Variants in EP400 observed in about 807,000 individuals in gnomAD.
EP400 encodes E1A-binding protein p400.
Under a neutral mutation model 354.1 loss-of-function variants are expected in EP400, and 105 were observed. The ratio of observed to expected loss-of-function variants is 0.30; its 90% confidence interval spans 0.25 to 0.35. The LOEUF is 0.35. Ranked by LOEUF, EP400 falls within the 10% of genes least tolerant of loss-of-function variation. EP400 has a pLI of 1.00. For synonymous variants in EP400, 1,646 were observed against 1,716.9 expected (o/e 0.96, Z 1.02); for missense variants, 3,280 against 4,121.0 (o/e 0.80, Z 5.59).
At position 131,982,483 on chromosome 12, in the gene EP400, G is replaced by A; in HGVS notation, c.1929+5G>A. The A allele has an allele frequency of 6.3e-7, 1 of 1,588,914 alleles. No individual in the cohort carries two copies. Among genetic ancestry groups the A allele is most frequent in the Non-Finnish European group, 8.6e-7 (1 of 1,165,004 alleles). ...CAGCTTTCCTCCCTGCCACAGGTAT[G>A]AGAAAAGATAGAGGAAAAAAAGAAA... On this transcript the variant is annotated splice_donor_5th_base_variant and intron_variant, in intron 5 of 52. Transcript: ENST00000389561.
chr12:131,951,581 A>G (rs1175867160), intron 1 of EP400, among the ~76,000 whole-genome samples: 2 of 152,172 alleles, frequency 1.3e-5, no homozygotes, highest in African/African-American at 4.8e-5. Context: ...TATGTGCAAT[A>G]AAATAATTTC....
intron 45 of EP400, among the ~76,000 whole-genome samples, chr12:132,061,530 TGGG>T (rs1895694068): frequency 6.6e-6 from 1 of 152,100 alleles, no homozygotes; most frequent in East Asian, 1.9e-4. Context: ...CAGTTTATGG[TGGG>T]ACAAGGAAGG....
Position 131,994,219 on chromosome 12 carries a change from G to C in EP400, c.2738-648G>C, listed in dbSNP as rs1040472268. ...GAAATGAGGAAGAGTTTTGATGGTA[G>C]GAAGGGAGAGATGTTATGTTAGATT... is the stretch of plus-strand genomic sequence containing the variant. On this transcript the variant is annotated intron_variant, in intron 11 of 52. Transcript: ENST00000389561. The surrounding 1 kb of genome is among the most constrained non-coding windows in gnomAD (Gnocchi z 4.6). Among the ~76,000 whole-genome samples, 2 of 152,150 alleles carry C rather than the reference G, an allele frequency of 1.3e-5. No individual in the cohort carries two copies. The highest frequency in any genetic ancestry group is 2.9e-5 in the Non-Finnish European group (2 of 68,028).
intron 2 of EP400, among the ~76,000 whole-genome samples, chr12:131,967,163 T>C (rs7312953): frequency 0.32 from 47,717 of 150,716 alleles, 13,650 homozygotes; most frequent in African/African-American, 0.77. Flanking sequence ...GGCGGATCAC[T>C]TGAGGTCAGG....
Position 132,029,558 on chromosome 12 carries a change from C to T in EP400, c.5382-143C>T. On this transcript the variant is annotated intron_variant, in intron 27 of 52. Coordinates refer to ENST00000389561, the MANE Select transcript of EP400 (RefSeq NM_015409.5). The surrounding 1 kb of genome is among the most constrained non-coding windows in gnomAD (Gnocchi z 4.7). Reference sequence around the variant, plus strand: ...TGGGCCCCTGCCCGTGTGCCAACACCCACATCCCCATGTGACTGGGTTGAG... The same window carrying T: ...TGGGCCCCTGCCCGTGTGCCAACACTCACATCCCCATGTGACTGGGTTGAG... 1.1e-6 allele frequency: 1 copy of T among 908,680 alleles called. No homozygotes were observed. Among genetic ancestry groups the T allele is most frequent in the Non-Finnish European group, 1.7e-6 (1 of 596,564 alleles). 56.3% of individuals were successfully genotyped at this position (908,680 alleles called of 1,614,324 possible).
intron 48 of EP400, 138 bp downstream of exon 48, chr12:132,065,024 C>A: frequency 7.0e-7 from 1 of 1,425,950 alleles, no homozygotes; most frequent in Non-Finnish European, 9.2e-7. Flanking sequence ...AACTTAGTAC[C>A]CCTTGGACAG....
intron 1 of EP400, among the ~76,000 whole-genome samples, chr12:131,957,764 T>A (rs1376630538): frequency 1.3e-5 from 2 of 151,992 alleles, no homozygotes; most frequent in Non-Finnish European, 2.9e-5. Flanking sequence ...CCCAGCTAAT[T>A]TTTGTATTTT....
rs1029819215 is a variant in EP400 at position 132,050,267 on chromosome 12, G to A, written c.7201-56G>A. The A allele has an allele frequency of 1.7e-5, 27 of 1,598,380 alleles. No individual in the cohort carries two copies. The Admixed American group carries it at 3.6e-4, about 21-fold the overall frequency. Reference sequence around the variant, plus strand: ...CCACCCAGTGAGCCCTGTGTCCCACGCAGCCGTCTGTCCATGCTGCCTAAT... The same window carrying A: ...CCACCCAGTGAGCCCTGTGTCCCACACAGCCGTCTGTCCATGCTGCCTAAT... On this transcript the variant is annotated intron_variant, in intron 39 of 52. Coordinates refer to ENST00000389561, the MANE Select transcript of EP400 (RefSeq NM_015409.5). The surrounding 1 kb of genome is among the most constrained non-coding windows in gnomAD (Gnocchi z 4.8).
intron 41 of EP400, 50 bp from the exon 42 acceptor site, chr12:132,053,096 C>G: frequency 6.3e-7 from 1 of 1,593,010 alleles, no homozygotes; most frequent in Non-Finnish European, 8.6e-7. Flanking sequence ...TGGTACTTGT[C>G]TGTCTTAAAA....
At chr12:131,973,462 C>T (rs1005546077) in intron 2 of EP400, among the ~76,000 whole-genome samples, 3 of 152,078 alleles carry the variant, frequency 2.0e-5, no homozygotes, top group African/African-American at 2.4e-5. Flanking sequence ...GCCAACATGG[C>T]AAAACCCCAT....
At chr12:132,005,604 T>G (rs1893552761) in intron 13 of EP400, among the ~76,000 whole-genome samples, 1 of 152,162 alleles carries the variant, frequency 6.6e-6, no homozygotes, top group Non-Finnish European at 1.5e-5. Flanking sequence ...GTTGGGACAG[T>G]TAGACACCTG....
At chr12:131,995,041 T>A in intron 12 of EP400, 85 bp downstream of exon 12, 13 of 1,109,550 alleles carry the variant, frequency 1.2e-5, no homozygotes, top group Non-Finnish European at 1.6e-5. Context: ...ATATATTGAG[T>A]AACAACAGCA....
intron 6 of EP400, 70 bp from the exon 7 acceptor site, chr12:131,987,635 T>C (rs1892895575): frequency 2.1e-6 from 3 of 1,403,884 alleles, no homozygotes; most frequent in African/African-American, 1.4e-5. Context: ...GCTTCAAATT[T>C]CTGGGGTCTG....
chr12:132,000,669 C>T (rs1893377706), intron 12 of EP400, among the ~76,000 whole-genome samples: 1 of 152,136 alleles, frequency 6.6e-6, no homozygotes, highest in African/African-American at 2.4e-5. Flanking sequence ...GAATTGTTAT[C>T]CTATTACGTC....
intron 51 of EP400, among the ~76,000 whole-genome samples, chr12:132,072,652 T>G (rs1275624582): frequency 1.3e-5 from 2 of 152,194 alleles, no homozygotes; most frequent in African/African-American, 2.4e-5. Context: ...TGTGAGATGA[T>G]TTTGTTGTAA....
Position 132,020,593 on chromosome 12 carries a change from G to A in EP400, c.4447+375G>A, listed in dbSNP as rs150109012. Among the ~76,000 whole-genome samples, 118 of 152,292 alleles carry A rather than the reference G, an allele frequency of 7.7e-4. 1 individual carries two copies. The East Asian group carries it at 0.019, about 24-fold the overall frequency. ...GAACTTAATTATTCTTTTGAGGAAG[G>A]GTAGAGTAGAAAAGGCCATCAAAAG... On this transcript the variant is annotated intron_variant, in intron 22 of 52. Transcript: ENST00000389561.
At chr12:131,982,021 C>G in intron 4 of EP400, 72 bp from the exon 5 acceptor site, 2 of 1,488,196 alleles carry the variant, frequency 1.3e-6, no homozygotes, top group Non-Finnish European at 1.8e-6. Context: ...TTAGACGTGT[C>G]TCCTTGTGAC....
rs1015263050 is a variant in EP400, at chr12:132,055,199, G to A, written c.7875G>A (p.Gly2625=). Residue 2625 remains glycine, a synonymous_variant, in exon 45 of 53, where the codon GGG becomes GGA. Coordinates refer to ENST00000389561, the MANE Select transcript of EP400 (RefSeq NM_015409.5). ...NKRLASPVAP[G]ALTTPGGSAP... is the part of the protein sequence containing the mutation. ...GCCTGGCGTCGCCAGTGGCTCCTGG[G>A]GCCTTGACTGTGAGTTGCGCTTCAC... is the stretch of plus-strand genomic sequence containing the variant. 10 of 1,562,300 alleles carry A rather than the reference G, an allele frequency of 6.4e-6. No individual in the cohort carries two copies. The African/African-American group carries it at 1.1e-4, about 17-fold the overall frequency.
intron 15 of EP400, among the ~76,000 whole-genome samples, chr12:132,009,830 ATTTTTTTTTTTTTT>A (rs35513772): frequency 3.8e-5 from 3 of 79,724 alleles, no homozygotes; most frequent in South Asian, 4.1e-4. Context: ...CGCCTGGCTA[ATTTTTTTTTTTTTT>A]TTTTTTTTTT....
Sources: allele counts gnomAD v4.1 joint callset (sites outside exome capture counted in the v4.1 genomes callset), GRCh38; gene constraint gnomAD v4.1.1; non-coding constraint Gnocchi (gnomAD v3.1); transcripts MANE v1.5; gene names NCBI Gene and HGNC (gene_info 2026-07-23, HGNC 2026-07-21).